The following CDKAL1 variants were observed in gnomAD, a reference collection of about 807,000 sequenced individuals.
The protein encoded by CDKAL1 is CDKAL1 threonylcarbamoyladenosine tRNA methylthiotransferase.
Under a neutral mutation model 68.2 loss-of-function variants are expected in CDKAL1, and 32 were observed. The observed-to-expected ratio is 0.47, with a 90% confidence interval of 0.35 to 0.63. The LOEUF (loss-of-function observed/expected upper bound fraction) is 0.63, where lower values mean the gene tolerates loss of function less well. CDKAL1 is among the 30% of genes least tolerant of loss of function. CDKAL1 has a pLI of 0.00. For synonymous variants in CDKAL1, 234 were observed against 244.3 expected (o/e 0.96, Z 0.39); for missense variants, 606 against 696.7 (o/e 0.87, Z 1.47).
chr6:21,007,587 A>G (rs1285687982), intron 11 of CDKAL1, among the ~76,000 whole-genome samples: 1 of 151,838 alleles, frequency 6.6e-6, no homozygotes, highest in Non-Finnish European at 1.5e-5. Context: ...TTCCAATAGC[A>G]TATATTAATT....
At chr6:20,957,604 A>T (rs187765498) in intron 10 of CDKAL1, among the ~76,000 whole-genome samples, 1 of 152,224 alleles carries the variant, frequency 6.6e-6, no homozygotes, top group Non-Finnish European at 1.5e-5. Flanking sequence ...TGAGGCAACA[A>T]TCTTGTTATA....
In CDKAL1 at chr6:20,709,336, A is replaced by C. The variant is rs577486149; in HGVS notation, c.372-30183A>C. Among the ~76,000 whole-genome samples, 3 of 152,198 alleles carry C rather than the reference A, an allele frequency of 2.0e-5. No homozygotes were observed. In the East Asian group the frequency reaches 5.8e-4, roughly 29 times the overall value. On this transcript the variant is annotated intron_variant, in intron 5 of 15. Transcript: ENST00000274695. ...TTAATAGATTGAGCATCCCTAACCC[A>C]AAAATCCAAAATCTGAAATGCTCTA... is the stretch of plus-strand genomic sequence containing the variant.
chr6:21,003,371 T>TATATATATATATATAC lies in CDKAL1; in HGVS notation c.1055+3000_1055+3001insTATATATATATATACA. ...ATATATATATATATATATATATATA[T>TATATATATATATATAC]ACACACACACACACACACATATATA... is the stretch of plus-strand genomic sequence containing the variant. On this transcript the variant is annotated intron_variant, in intron 11 of 15. Coordinates refer to ENST00000274695, the MANE Select transcript of CDKAL1 (RefSeq NM_017774.3). Among the ~76,000 whole-genome samples the TATATATATATATATAC allele has an allele frequency of 5.5e-3, 269 of 49,220 alleles. 5 individuals carry two copies. Among genetic ancestry groups the TATATATATATATATAC allele is most frequent in the African/African-American group, 8.9e-3 (81 of 9,146 alleles). The allele number at this position is 49,220 out of a possible 152,430, so 32.3% of individuals were successfully genotyped here.
chr6:20,725,639 C>T (rs1772608679), intron 5 of CDKAL1, among the ~76,000 whole-genome samples: 1 of 152,142 alleles, frequency 6.6e-6, no homozygotes, highest in Non-Finnish European at 1.5e-5. Flanking sequence ...ACAAAATTAG[C>T]CGGGCGTGGT....
intron 11 of CDKAL1, among the ~76,000 whole-genome samples, chr6:21,038,600 T>C (rs1219112140): frequency 2.6e-5 from 4 of 152,334 alleles, no homozygotes; most frequent in African/African-American, 9.6e-5. Context: ...AGCAAGCTTG[T>C]CCAGCCCACA....
chr6:20,599,963 A>G (rs940262715), intron 4 of CDKAL1, among the ~76,000 whole-genome samples: 2 of 152,164 alleles, frequency 1.3e-5, no homozygotes, highest in African/African-American at 4.8e-5. Flanking sequence ...ACCTTTTCAT[A>G]CTAGAAATGG....
At chr6:21,152,232 C>G (rs1342455987) in intron 13 of CDKAL1, among the ~76,000 whole-genome samples, 1 of 152,184 alleles carries the variant, frequency 6.6e-6, no homozygotes, top group African/African-American at 2.4e-5. Context: ...ATCCCTTCAG[C>G]CTGTCCTGGA....
chr6:21,205,570 G>A (rs931050163), intron 15 of CDKAL1, among the ~76,000 whole-genome samples: 3 of 151,604 alleles, frequency 2.0e-5, no homozygotes, highest in African/African-American at 4.9e-5. Flanking sequence ...TCGCCCTGTC[G>A]CCCAGGCTGG....
chr6:20,686,651 C>T (rs1770640836), intron 5 of CDKAL1, among the ~76,000 whole-genome samples: 1 of 152,126 alleles, frequency 6.6e-6, no homozygotes, highest in African/African-American at 2.4e-5. Context: ...CATCTCCCAC[C>T]CAATCTGTGG....
At chr6:20,574,743 CT>C (rs1764844686) in intron 4 of CDKAL1, among the ~76,000 whole-genome samples, 1 of 152,036 alleles carries the variant, frequency 6.6e-6, no homozygotes, top group African/African-American at 2.4e-5. Flanking sequence ...AAACAGTTCT[CT>C]TTGCAGTTAG....
At chr6:20,980,240 G>GAT (rs1766059069) in intron 10 of CDKAL1, among the ~76,000 whole-genome samples, 1 of 140,214 alleles carries the variant, frequency 7.1e-6, no homozygotes, top group Admixed American at 7.2e-5. Flanking sequence ...TAGATATATA[G>GAT]ATATAGATTT....
intron 5 of CDKAL1, among the ~76,000 whole-genome samples, chr6:20,693,802 G>T (rs1770979336): frequency 6.6e-6 from 1 of 151,922 alleles, no homozygotes; most frequent in Admixed American, 6.6e-5. Flanking sequence ...ACTCAGAAAA[G>T]TTCTTAGTTT....
rs867522278 is a variant in CDKAL1, at chr6:21,192,031, T to C, written c.1300-5990T>C. 5.2e-3 allele frequency among the ~76,000 whole-genome samples: 609 copies of C among 116,018 alleles called. 1 individual carries two copies. Among genetic ancestry groups the C allele is most frequent in the African/African-American group, 0.02 (578 of 28,458 alleles). The allele number at this position is 116,018 out of a possible 152,430, so 76.1% of individuals were successfully genotyped here. On this transcript the variant is annotated intron_variant, in intron 13 of 15. Coordinates refer to ENST00000274695, the MANE Select transcript of CDKAL1 (RefSeq NM_017774.3). ...TTTTTTTTTTTTTTTTTTTTTTTTT[T>C]TGAGACGGAGTCTCGCTCTGTCGCC...
chr6:20,844,679 G>A (rs1337319747), intron 8 of CDKAL1, among the ~76,000 whole-genome samples: 5 of 69,520 alleles, frequency 7.2e-5, no homozygotes, highest in African/African-American at 2.4e-4. Flanking sequence ...GCGAGACCCC[G>A]TTTCTATTAA....
Position 20,587,199 on chromosome 6 carries a change from C to T in CDKAL1, c.286+38494C>T, listed in dbSNP as rs539646914. Among the ~76,000 whole-genome samples the T allele has an allele frequency of 4.4e-3, 666 of 152,070 alleles. 6 individuals carry two copies. Among genetic ancestry groups the T allele is most frequent in the African/African-American group, 0.015 (609 of 41,508 alleles). On this transcript the variant is annotated intron_variant, in intron 4 of 15. Coordinates refer to ENST00000274695, the MANE Select transcript of CDKAL1 (RefSeq NM_017774.3). ...ACGCGGTTTTGCCATTTTGGCCAAG[C>T]TGATCTCGAACTCCTGACCTCAGGT...
At chr6:20,904,153 A>G (rs1424520850) in intron 9 of CDKAL1, among the ~76,000 whole-genome samples, 1 of 152,148 alleles carries the variant, frequency 6.6e-6, no homozygotes, top group Non-Finnish European at 1.5e-5. Context: ...GCTGCAAACA[A>G]AGTGGTGGGC....
intron 5 of CDKAL1, among the ~76,000 whole-genome samples, chr6:20,654,520 A>G (rs1414288365): frequency 6.6e-6 from 1 of 151,866 alleles, no homozygotes; most frequent in Non-Finnish European, 1.5e-5. Flanking sequence ...GTCTTTTCTT[A>G]CTCTGAAGCT....
intron 4 of CDKAL1, among the ~76,000 whole-genome samples, chr6:20,605,059 G>C (rs1417041651): frequency 1.3e-5 from 2 of 152,172 alleles, no homozygotes; most frequent in African/African-American, 4.8e-5. Flanking sequence ...TACTCAGAAA[G>C]AGGAGCTAAT....
intron 15 of CDKAL1, 102 bp downstream of exon 15, chr6:21,201,376 T>G (rs1778687086): frequency 1.0e-6 from 1 of 1,000,860 alleles, no homozygotes; most frequent in Non-Finnish European, 1.4e-6. Context: ...TAGTTCCCTT[T>G]TTATGTATGC....
Sources: allele counts gnomAD v4.1 joint callset (sites outside exome capture counted in the v4.1 genomes callset), GRCh38; gene constraint gnomAD v4.1.1; transcripts MANE v1.5; gene names NCBI Gene and HGNC (gene_info 2026-07-23, HGNC 2026-07-21).